SGCG: variants seen among roughly 807,000 people sequenced by gnomAD.
SGCG encodes the protein gamma-sarcoglycan.
A neutral mutation model predicts 29.3 loss-of-function variants in SGCG; 26 were observed. The observed-to-expected ratio is 0.89, with a 90% confidence interval of 0.65 to 1.23. SGCG has a LOEUF of 1.23. Ranked by LOEUF, SGCG falls within the 50% of genes most tolerant of loss-of-function variation. SGCG has a pLI of 0.00. For synonymous variants in SGCG, 145 were observed against 129.7 expected (o/e 1.12, Z -0.80); for missense variants, 353 against 356.0 (o/e 0.99, Z 0.07).
rs753751942 is a variant in SGCG, at chr13:23,320,717, C to G, written c.659C>G (p.Ala220Gly). ...HIQAHAGKIE[A>G]LSQMDILFHS... is the part of the protein sequence containing the mutation. ...CAAGCTCACGCTGGGAAAATTGAGG[C>G]GCTTTCTCAAATGGATATTCTTTTT... is the stretch of plus-strand genomic sequence containing the variant. The change falls in exon 7 of 8, where the codon GCG (alanine) becomes GGG (glycine). Residue 220 changes from alanine to glycine, a missense_variant. Coordinates refer to ENST00000218867, the MANE Select transcript of SGCG (RefSeq NM_000231.3). 6.2e-7 allele frequency: 1 copy of G among 1,612,604 alleles called. No individual in the cohort carries two copies. Among genetic ancestry groups the G allele is most frequent in the Admixed American group, 1.7e-5 (1 of 59,868 alleles).
chr13:23,313,320 A>T (rs1415134174), intron 6 of SGCG, among the ~76,000 whole-genome samples: 3 of 151,964 alleles, frequency 2.0e-5, no homozygotes, highest in Non-Finnish European at 4.4e-5. Flanking sequence ...ATCCACCACC[A>T]TGCCCAGCTC....
chr13:23,161,817 G>C, the SGCG span, among the ~76,000 whole-genome samples: 1 of 152,248 alleles, frequency 6.6e-6, no homozygotes, highest in Non-Finnish European at 1.5e-5. Flanking sequence ...TTGTACTTAA[G>C]TCCTCTGTTC....
chr13:23,172,972 A>T, the SGCG span, among the ~76,000 whole-genome samples: 1 of 152,218 alleles, frequency 6.6e-6, no homozygotes, highest in African/African-American at 2.4e-5. Context: ...GCTGATATTA[A>T]TATTTTTTGT....
chr13:23,188,862 G>T (rs1877120211), intron 1 of SGCG, among the ~76,000 whole-genome samples: 1 of 152,156 alleles, frequency 6.6e-6, no homozygotes, highest in Admixed American at 6.5e-5. Context: ...CATGCCTGGT[G>T]CCACGCCAAT....
intron 6 of SGCG, among the ~76,000 whole-genome samples, chr13:23,303,290 T>A (rs1247398449): frequency 6.6e-6 from 1 of 152,250 alleles, no homozygotes; most frequent in Admixed American, 6.5e-5. Flanking sequence ...AGTCCTCTTC[T>A]GCCCCTGATG....
At chr13:23,315,172 A>G (rs564253869) in intron 6 of SGCG, among the ~76,000 whole-genome samples, 3 of 152,266 alleles carry the variant, frequency 2.0e-5, no homozygotes, top group East Asian at 1.9e-4. Context: ...GAAGATAACT[A>G]CTGTCCTTTT....
chr13:23,291,505 G>A (rs1326502), intron 5 of SGCG, among the ~76,000 whole-genome samples: 1 of 151,864 alleles, frequency 6.6e-6, no homozygotes, highest in African/African-American at 2.4e-5. Flanking sequence ...TTTATTATAC[G>A]CAAATAGGTT....
intron 4 of SGCG, among the ~76,000 whole-genome samples, chr13:23,265,122 A>G (rs1224273442): frequency 2.3e-4 from 35 of 152,182 alleles, no homozygotes; most frequent in Non-Finnish European, 1.5e-5. Context: ...ATCAGAGTAA[A>G]CAGACAGCCT....
At chr13:23,299,454 A>ATTTTTTTTTTT (rs1882057854) in intron 6 of SGCG, among the ~76,000 whole-genome samples, 5 of 42,668 alleles carry the variant, frequency 1.2e-4, no homozygotes, top group Non-Finnish European at 1.4e-4. Context: ...ATATATATAT[A>ATTTTTTTTTTT]TATTTTTTTT....
At chr13:23,204,081 T>C (rs749411992) in intron 2 of SGCG, among the ~76,000 whole-genome samples, 192 bp downstream of exon 2, 17 of 151,238 alleles carry the variant, frequency 1.1e-4, no homozygotes, top group East Asian at 3.8e-4. Context: ...TTGTGAACTA[T>C]AGTGTGTTGG....
At chr13:23,294,705 A>G (rs998360161) in intron 5 of SGCG, among the ~76,000 whole-genome samples, 6 of 152,228 alleles carry the variant, frequency 3.9e-5, no homozygotes, top group Non-Finnish European at 7.3e-5. Context: ...TTCAAATTAC[A>G]GCCTTGCCAC....
chr13:23,232,855 TTAAAA>T (rs1484615396), intron 2 of SGCG, among the ~76,000 whole-genome samples: 3 of 152,114 alleles, frequency 2.0e-5, no homozygotes, highest in Non-Finnish European at 4.4e-5. Flanking sequence ...AACAGACTAT[TTAAAA>T]TAAAATACAG....
intron 2 of SGCG, among the ~76,000 whole-genome samples, chr13:23,229,819 T>C (rs898688635): frequency 1.3e-5 from 2 of 152,224 alleles, no homozygotes; most frequent in African/African-American, 4.8e-5. Context: ...TGGCTTCTGT[T>C]GCAGTTGATT....
At chr13:23,307,001 G>A (rs1882385154) in intron 6 of SGCG, among the ~76,000 whole-genome samples, 2 of 152,308 alleles carry the variant, frequency 1.3e-5, no homozygotes, top group Admixed American at 1.3e-4. Context: ...CCCTTTTCAA[G>A]AAGGACTTAC....
chr13:23,271,168 C>T (rs1227989206), intron 4 of SGCG, among the ~76,000 whole-genome samples: 7 of 152,060 alleles, frequency 4.6e-5, no homozygotes, highest in South Asian at 2.1e-4. Flanking sequence ...GCCGAGATCA[C>T]GCCACTACAC....
chr13:23,200,229 C>T (rs374241414), intron 1 of SGCG, among the ~76,000 whole-genome samples: 5 of 152,114 alleles, frequency 3.3e-5, no homozygotes, highest in South Asian at 2.1e-4. Context: ...TCAAGACCAG[C>T]CTGGCCAACA....
chr13:23,324,479 C>G lies in SGCG; in HGVS notation c.814C>G (p.Leu272Val). ...YEICVCPDGK[L>V]YLSVAGVSTT... ...AATCTGTGTGTGTCCAGATGGGAAG[C>G]TGTACCTGTCTGTGGCCGGTGTGAG... The change falls in exon 8 of 8, where the codon CTG (leucine) becomes GTG (valine). Residue 272 changes from leucine to valine, a missense_variant. Leu to Val is a conservative substitution (Grantham distance 32). Transcript: ENST00000218867. 1 of 1,613,826 alleles carries G rather than the reference C, an allele frequency of 6.2e-7. No homozygotes were observed.
At chr13:23,247,667 C>T (rs551059441) in intron 3 of SGCG, among the ~76,000 whole-genome samples, 9 of 151,878 alleles carry the variant, frequency 5.9e-5, no homozygotes, top group Non-Finnish European at 7.4e-5. Context: ...AAAAATCGGT[C>T]GGGCATGGTG....
the SGCG span, among the ~76,000 whole-genome samples, chr13:23,172,824 G>C: frequency 2.1e-4 from 32 of 152,220 alleles, no homozygotes; most frequent in Admixed American, 2.1e-3. Flanking sequence ...GCCAGGAGTA[G>C]GATGAAGGTG....
Sources: gnomAD v4.1 joint callset for allele counts (sites outside exome capture counted in the v4.1 genomes callset) on GRCh38, gnomAD v4.1.1 for gene constraint, MANE v1.5 for transcripts, NCBI Gene and HGNC (gene_info 2026-07-23, HGNC 2026-07-21) for gene names.